NCAPD3: variants seen among roughly 807,000 people sequenced by gnomAD.
NCAPD3 encodes the protein condensin-2 complex subunit D3.
Under a neutral mutation model 182.9 loss-of-function variants are expected in NCAPD3, and 105 were observed. That is an observed-to-expected ratio of 0.57 (90% CI 0.49 to 0.68). The LOEUF (loss-of-function observed/expected upper bound fraction) is 0.68. Among genes scored for constraint, NCAPD3 ranks in the 30% least tolerant of loss-of-function variants. The probability of loss-of-function intolerance (pLI) is 0.00; values close to 1 mark genes in which losing one functional copy is unlikely to be tolerated. For synonymous variants in NCAPD3, 815 were observed against 679.9 expected, an observed-to-expected ratio of 1.20 and a Z score of -3.09; for missense variants, 1,944 against 1,837.0, an observed-to-expected ratio of 1.06 and a Z score of -1.07.
rs1435433540 is a variant in NCAPD3 at position 134,181,525 on chromosome 11, T to C, written c.2452-341A>G. 1.3e-5 allele frequency among the ~76,000 whole-genome samples: 2 copies of C among 152,314 alleles called. 1 individual carries two copies. Reference sequence around the variant, plus strand: ...TAGTGCTCCTCCAAAAATACAGAAATAAGCTGTAGTTTTGCTGCCATATAC... The same window carrying C: ...TAGTGCTCCTCCAAAAATACAGAAACAAGCTGTAGTTTTGCTGCCATATAC... On this transcript the variant is annotated intron_variant, in intron 19 of 34. Coordinates refer to ENST00000534548, the MANE Select transcript of NCAPD3 (RefSeq NM_015261.3).
At chr11:134,183,371 C>G (rs1157468933) in intron 19 of NCAPD3, among the ~76,000 whole-genome samples, 2 of 152,114 alleles carry the variant, frequency 1.3e-5, no homozygotes, top group African/African-American at 2.4e-5. Flanking sequence ...AGTTTGAGAC[C>G]AGCCTGGCCA....
At chr11:134,212,330 AAC>A (rs1364470017) in intron 3 of NCAPD3, among the ~76,000 whole-genome samples, 2 of 152,000 alleles carry the variant, frequency 1.3e-5, no homozygotes, top group African/African-American at 2.4e-5. Flanking sequence ...TAGAAAAAAT[AAC>A]ACACAAGAGG....
At chr11:134,153,262 CAG>C in intron 33 of NCAPD3, 25 bp downstream of exon 33, 1 of 1,613,970 alleles carries the variant, frequency 6.2e-7, no homozygotes, top group Non-Finnish European at 8.5e-7. Context: ...GTGCATCTAT[CAG>C]CCCAGAAGGA....
At chr11:134,153,593 G>A in intron 32 of NCAPD3, 1 of 571,382 alleles carries the variant, frequency 1.8e-6, no homozygotes, top group Non-Finnish European at 3.1e-6. Flanking sequence ...CAGGCACTCG[G>A]CTGGCCCCTG....
At chr11:134,191,251 G>C (rs1453124730) in intron 16 of NCAPD3, among the ~76,000 whole-genome samples, 2 of 152,092 alleles carry the variant, frequency 1.3e-5, no homozygotes, top group Admixed American at 6.6e-5. Flanking sequence ...CCAAAAATAA[G>C]ACAAAATTTT....
Position 134,185,437 on chromosome 11 carries a change from G to T in NCAPD3, c.2135C>A (p.Thr712Lys), listed in dbSNP as rs143833204. ...FINNVISHTG[T>K]EHSAPAWMLL... ...CATCCAGGCAGGTGCCGAATGTTCCGTGCCAGTGTGAGATATTACATTGTT... is the reference window on the plus strand; with the variant it reads ...CATCCAGGCAGGTGCCGAATGTTCCTTGCCAGTGTGAGATATTACATTGTT... The change falls in exon 17 of 35, where the codon ACG (threonine) becomes AAG (lysine). Residue 712 changes from threonine to lysine, a missense_variant. This residue lies in a region of NCAPD3 where 1,803 missense variants were observed against 1,674.6 expected (regional missense o/e 1.08). Transcript: ENST00000534548. The T allele has an allele frequency of 1.2e-6, 2 of 1,613,936 alleles. No individual in the cohort carries two copies. The highest frequency in any genetic ancestry group is 1.3e-5 in the African/African-American group (1 of 75,028).
At chr11:134,192,579 C>A (rs1348632233) in intron 16 of NCAPD3, 110 bp downstream of exon 16, 4 of 882,754 alleles carry the variant, frequency 4.5e-6, no homozygotes, top group African/African-American at 1.7e-5. Flanking sequence ...TCTTCACATA[C>A]ACTAAGTAAT....
chr11:134,150,978 G>C lies in NCAPD3; in HGVS notation c.*1966C>G, dbSNP rs1943212049. On this transcript the variant is annotated 3_prime_UTR_variant, in exon 35 of 35. Coordinates refer to ENST00000534548, the MANE Select transcript of NCAPD3 (RefSeq NM_015261.3). Reference sequence around the variant, plus strand: ...GCCGGAGACACTGCTCCCATTTGTGGGGGGACATTAGCAACATCACTCAGA... The same window carrying C: ...GCCGGAGACACTGCTCCCATTTGTGCGGGGACATTAGCAACATCACTCAGA... 6.6e-6 allele frequency: 1 copy of C among 152,208 alleles called. No homozygotes were observed. Among genetic ancestry groups the C allele is most frequent in the African/African-American group, 2.4e-5 (1 of 41,448 alleles). The allele number at this position is 152,208 out of a possible 1,614,324, so 9.4% of individuals were successfully genotyped here.
intron 1 of NCAPD3, among the ~76,000 whole-genome samples, chr11:134,222,041 T>G (rs1938251035): frequency 6.6e-6 from 1 of 152,228 alleles, no homozygotes; most frequent in Admixed American, 6.5e-5. Flanking sequence ...AGTTCCCTAC[T>G]GTAAATACCA....
intron 16 of NCAPD3, among the ~76,000 whole-genome samples, chr11:134,189,822 A>G (rs1445648285): frequency 6.6e-6 from 1 of 151,830 alleles, no homozygotes; most frequent in African/African-American, 2.4e-5. Context: ...GTTAAATTCT[A>G]TTTGACTCTA....
chr11:134,153,400 G>C (rs745422359), intron 32 of NCAPD3, 37 bp from the exon 33 acceptor site: 1 of 1,604,376 alleles, frequency 6.2e-7, no homozygotes, highest in Non-Finnish European at 8.5e-7. Flanking sequence ...TGAAAGCCGC[G>C]TGGTCTATCG....
intron 19 of NCAPD3, among the ~76,000 whole-genome samples, chr11:134,184,221 T>A (rs571561690): frequency 2.6e-5 from 4 of 152,234 alleles, no homozygotes; most frequent in Non-Finnish European, 5.9e-5. Flanking sequence ...AGGACAGGCA[T>A]GTCCAAGATT....
At chr11:134,213,022 G>A (rs969764121) in intron 3 of NCAPD3, among the ~76,000 whole-genome samples, 13 of 152,136 alleles carry the variant, frequency 8.5e-5, no homozygotes, top group African/African-American at 3.1e-4. Flanking sequence ...AGCAAACATT[G>A]TCAGAAAGAA....
intron 16 of NCAPD3, 99 bp downstream of exon 16, chr11:134,192,590 C>T (rs1944545764): frequency 2.0e-6 from 2 of 1,022,776 alleles, no homozygotes; most frequent in Admixed American, 4.3e-5. Context: ...ACTAAGTAAT[C>T]TGGAAAGCTG....
intron 20 of NCAPD3, among the ~76,000 whole-genome samples, chr11:134,180,349 T>C (rs888510450): frequency 6.6e-6 from 1 of 152,082 alleles, no homozygotes; most frequent in African/African-American, 2.4e-5. Flanking sequence ...TTTAAACATA[T>C]GAGAAAAATG....
chr11:134,204,065 T>C lies in NCAPD3; in HGVS notation c.1196A>G (p.Lys399Arg). The C allele has an allele frequency of 6.2e-7, 1 of 1,614,114 alleles. No individual in the cohort carries two copies. The highest frequency in any genetic ancestry group is 8.5e-7 in the Non-Finnish European group (1 of 1,180,008). Residue 399 changes from lysine to arginine, a missense_variant, in exon 10 of 35, where the codon AAA becomes AGA. Physicochemically the swap from Lys to Arg is conservative, Grantham distance 26. Around this residue, in one of 3 missense-constraint regions of NCAPD3, gnomAD observed 1,803 missense variants for 1,674.6 expected, o/e 1.08. Transcript: ENST00000534548. The surrounding 1 kb of genome is among the most constrained non-coding windows in gnomAD (Gnocchi z 4.3). ...TCCTACCTTGGAACTTCGGGAGTAT[T>C]TGTAAAGCCAGGCAATGAACATAGC... Reference protein sequence around the residue: ...EYAMFIAWLYKYSRSSKIPHR... With the variant: ...EYAMFIAWLYRYSRSSKIPHR...
At chr11:134,218,121 GGA>G (rs141094962) in intron 2 of NCAPD3, among the ~76,000 whole-genome samples, 33,748 of 109,028 alleles carry the variant, frequency 0.31, 6,614 homozygotes, top group East Asian at 0.45. Flanking sequence ...GGGGGGGGGG[GGA>G]AGAAATCATC....
chr11:134,161,353 A>G (rs1395184610), intron 28 of NCAPD3, among the ~76,000 whole-genome samples: 1 of 152,176 alleles, frequency 6.6e-6, no homozygotes, highest in African/African-American at 2.4e-5. Flanking sequence ...GCAGCTCCGA[A>G]GGCAGCTCCT....
At chr11:134,156,620 T>A (rs1565515184) in intron 32 of NCAPD3, among the ~76,000 whole-genome samples, 1 of 152,134 alleles carries the variant, frequency 6.6e-6, no homozygotes. Context: ...AGAGCGTGCA[T>A]GGTACCTGCT....
Sources: allele counts gnomAD v4.1 joint callset (sites outside exome capture counted in the v4.1 genomes callset), GRCh38; gene constraint gnomAD v4.1.1; regional missense constraint gnomAD v4.1.1; non-coding constraint Gnocchi (gnomAD v3.1); transcripts MANE v1.5; gene names NCBI Gene and HGNC (gene_info 2026-07-23, HGNC 2026-07-21).